The following RBMS3 variants were observed in gnomAD, a reference collection of about 807,000 sequenced individuals.
RBMS3 encodes the protein RNA-binding motif, single-stranded-interacting protein 3.
Under a neutral mutation model 66.8 loss-of-function variants are expected in RBMS3, and 27 were observed. The ratio of observed to expected loss-of-function variants is 0.40; its 90% CI spans 0.30 to 0.56. The LOEUF (loss-of-function observed/expected upper bound fraction) is 0.56, where lower values mean the gene tolerates loss of function less well. Among genes scored for constraint, RBMS3 ranks in the 20% least tolerant of loss-of-function variants. RBMS3 has a pLI of 0.40. For missense variants in RBMS3, 513 were observed against 549.5 expected (o/e 0.93, Z 0.66); for synonymous variants, 188 against 183.0 (o/e 1.03, Z -0.22).
intron 12 of RBMS3, among the ~76,000 whole-genome samples, chr3:29,987,156 A>G (rs1164640193): frequency 6.6e-6 from 1 of 152,188 alleles, no homozygotes; most frequent in Admixed American, 6.5e-5. Flanking sequence ...TGCCACAAAA[A>G]ATCATTCCTC....
At chr3:29,413,380 A>T (rs1440830039) in intron 1 of RBMS3, among the ~76,000 whole-genome samples, 2 of 101,150 alleles carry the variant, frequency 2.0e-5, no homozygotes, top group Non-Finnish European at 4.6e-5. Context: ...ATTCATACAT[A>T]CATACATACA....
intron 1 of RBMS3, among the ~76,000 whole-genome samples, chr3:29,428,877 G>C (rs1366319718): frequency 6.6e-6 from 1 of 152,160 alleles, no homozygotes; most frequent in African/African-American, 2.4e-5. Flanking sequence ...TACATTTTAA[G>C]ATGGACTTCA....
intron 4 of RBMS3, among the ~76,000 whole-genome samples, chr3:29,722,538 A>G: frequency 6.6e-6 from 1 of 152,172 alleles, no homozygotes; most frequent in Non-Finnish European, 1.5e-5. Flanking sequence ...AATGTCCTTT[A>G]TAATAAACAA....
intron 10 of RBMS3, among the ~76,000 whole-genome samples, chr3:29,925,578 C>T (rs2060916229): frequency 6.6e-6 from 1 of 152,114 alleles, no homozygotes; most frequent in African/African-American, 2.4e-5. Flanking sequence ...CTATCTGGCT[C>T]TCAAGCAAGA....
intron 4 of RBMS3, among the ~76,000 whole-genome samples, chr3:29,685,659 G>T (rs1383160849): frequency 6.6e-6 from 1 of 152,170 alleles, no homozygotes; most frequent in Non-Finnish European, 1.5e-5. Flanking sequence ...TAAACAATAG[G>T]CAGGAACTGT....
chr3:29,544,572 G>A (rs997864644), intron 3 of RBMS3, among the ~76,000 whole-genome samples: 7 of 152,034 alleles, frequency 4.6e-5, no homozygotes, highest in African/African-American at 1.7e-4. Flanking sequence ...TCAGTGATCT[G>A]CCTGTAGAAC....
At chr3:29,417,544 T>C (rs10222540) in intron 1 of RBMS3, among the ~76,000 whole-genome samples, 29,821 of 152,070 alleles carry the variant, frequency 0.2, 3,471 homozygotes, top group East Asian at 0.34. Context: ...AAGTGGAATA[T>C]ATTGGTATCC....
chr3:29,683,155 A>T (rs2051568434), intron 4 of RBMS3, among the ~76,000 whole-genome samples: 1 of 152,050 alleles, frequency 6.6e-6, no homozygotes, highest in African/African-American at 2.4e-5. Flanking sequence ...AGATGTCAAG[A>T]CCATTTGTTT....
chr3:29,959,598 T>C (rs1696277042), intron 12 of RBMS3, among the ~76,000 whole-genome samples: 1 of 152,066 alleles, frequency 6.6e-6, no homozygotes, highest in Non-Finnish European at 1.5e-5. Flanking sequence ...GTGGGAGGTA[T>C]ATAAGTTCAT....
chr3:29,712,425 A>ACGTC (rs1406051405), intron 4 of RBMS3, among the ~76,000 whole-genome samples: 1 of 151,980 alleles, frequency 6.6e-6, no homozygotes, highest in Non-Finnish European at 1.5e-5. Flanking sequence ...TGATCCTCCT[A>ACGTC]CGTCAGCCTC....
intron 3 of RBMS3, among the ~76,000 whole-genome samples, chr3:29,577,455 C>G (rs937124007): frequency 6.6e-6 from 1 of 152,188 alleles, no homozygotes; most frequent in Non-Finnish European, 1.5e-5. Context: ...TCCTCTGGCT[C>G]TGAGCCCAGT....
At chr3:29,894,774 T>C (rs1268806881) in intron 8 of RBMS3, among the ~76,000 whole-genome samples, 2 of 148,818 alleles carry the variant, frequency 1.3e-5, no homozygotes, top group Admixed American at 6.6e-5. Context: ...TAGAAAACAA[T>C]TGGGACAGAC....
intron 4 of RBMS3, among the ~76,000 whole-genome samples, chr3:29,683,361 G>T (rs928147440): frequency 1.3e-5 from 2 of 152,218 alleles, no homozygotes; most frequent in African/African-American, 4.8e-5. Context: ...CGAGAATAGA[G>T]TGTGAGTTTA....
At chr3:29,701,758 G>A (rs1007875708) in intron 4 of RBMS3, among the ~76,000 whole-genome samples, 2 of 152,152 alleles carry the variant, frequency 1.3e-5, no homozygotes, top group Non-Finnish European at 2.9e-5. Context: ...AGCAGTGCCG[G>A]CCCACTGGCA....
intron 7 of RBMS3, among the ~76,000 whole-genome samples, chr3:29,871,950 G>A (rs771721283): frequency 5.3e-5 from 8 of 152,080 alleles, no homozygotes; most frequent in Non-Finnish European, 4.4e-5. Flanking sequence ...ACAGAAATTA[G>A]TATAAATTAG....
chr3:29,849,874 C>A (rs1446988564), intron 6 of RBMS3, among the ~76,000 whole-genome samples: 1 of 152,186 alleles, frequency 6.6e-6, no homozygotes, highest in Admixed American at 6.5e-5. Context: ...GGAGTATCAG[C>A]TCAGACACTG....
chr3:29,517,934 T>C (rs555917761), intron 3 of RBMS3, among the ~76,000 whole-genome samples: 113 of 152,346 alleles, frequency 7.4e-4, no homozygotes, highest in African/African-American at 2.6e-3. Context: ...AAATTCTTTA[T>C]AACCTTTTTC....
chr3:29,778,465 ACT>A (rs2056504099), intron 6 of RBMS3, among the ~76,000 whole-genome samples: 1 of 151,004 alleles, frequency 6.6e-6, no homozygotes, highest in Admixed American at 6.6e-5. Context: ...TTGGGGAATT[ACT>A]ATGTGCCAAA....
chr3:29,423,204 G>T (rs2040818780), intron 1 of RBMS3, among the ~76,000 whole-genome samples: 1 of 152,166 alleles, frequency 6.6e-6, no homozygotes, highest in South Asian at 2.1e-4. Context: ...GAGGGCCCCA[G>T]GCAGGCAGCT....
Sources: allele counts gnomAD v4.1 joint callset (sites outside exome capture counted in the v4.1 genomes callset), GRCh38; gene constraint gnomAD v4.1.1; transcripts MANE v1.5; gene names NCBI Gene and HGNC (gene_info 2026-07-23, HGNC 2026-07-21).